ITPK1: variants seen among roughly 807,000 people sequenced by gnomAD.
ITPK1 encodes inositol-tetrakisphosphate 1-kinase, also known as inositol 1,3,4-trisphosphate 5/6-kinase.
ITPK1 carries 21 observed loss-of-function variants against 45.3 expected under a neutral mutation model. The ratio of observed to expected loss-of-function variants is 0.46; its 90% CI spans 0.33 to 0.67. ITPK1 has a LOEUF of 0.67. Ranked by LOEUF, ITPK1 falls within the 30% of genes least tolerant of loss-of-function variation. The pLI is 0.02. For synonymous variants in ITPK1, 258 were observed against 253.6 expected, an observed-to-expected ratio of 1.02 and a Z score of -0.16; for missense variants, 474 against 573.5, an observed-to-expected ratio of 0.83 and a Z score of 1.77.
chr14:92,959,904 C>T (rs961002049), intron 7 of ITPK1, among the ~76,000 whole-genome samples: 2 of 152,138 alleles, frequency 1.3e-5, no homozygotes, highest in Admixed American at 6.5e-5. Flanking sequence ...GGGATGCAGA[C>T]GAGGACTCCC....
At chr14:93,081,370 A>G (rs965232369) in intron 2 of ITPK1, among the ~76,000 whole-genome samples, 8 of 152,106 alleles carry the variant, frequency 5.3e-5, no homozygotes, top group South Asian at 2.1e-4. Context: ...GAATAATTTT[A>G]CAGGCTCTAA....
At chr14:93,082,193 A>G (rs1334637313) in intron 2 of ITPK1, among the ~76,000 whole-genome samples, 2 of 152,118 alleles carry the variant, frequency 1.3e-5, no homozygotes, top group African/African-American at 4.8e-5. Flanking sequence ...GAAACCTAAG[A>G]ACCAGAAATA....
intron 3 of ITPK1, among the ~76,000 whole-genome samples, chr14:93,027,541 G>A (rs1190011854): frequency 6.6e-6 from 1 of 152,132 alleles, no homozygotes. Flanking sequence ...GAGCTGGGAG[G>A]GGGCCAGGGA....
Position 92,940,598 on chromosome 14 carries a change from C to T in ITPK1, c.*963G>A, listed in dbSNP as rs372707273. On this transcript the variant is annotated 3_prime_UTR_variant, in exon 11 of 11. Coordinates refer to ENST00000267615, the MANE Select transcript of ITPK1 (RefSeq NM_014216.6). ...GGCCCCGATCTCCATGGTGTCATGC[C>T]GAGGCTCCCGCGCCTATCCTCACCT... 6.9e-5 allele frequency: 82 copies of T among 1,195,938 alleles called. No individual in the cohort carries two copies. The Admixed American group carries it at 1.3e-3, about 20-fold the overall frequency. The allele number at this position is 1,195,938 out of a possible 1,614,324, so 74.1% of individuals were successfully genotyped here.
At chr14:93,094,487 C>A (rs1249466788) in intron 2 of ITPK1, among the ~76,000 whole-genome samples, 1 of 152,168 alleles carries the variant, frequency 6.6e-6, no homozygotes, top group Non-Finnish European at 1.5e-5. Context: ...CCCCTGGGAG[C>A]CGGGTGAAGC....
chr14:92,999,332 C>A (rs1887219029), intron 4 of ITPK1, among the ~76,000 whole-genome samples: 1 of 152,248 alleles, frequency 6.6e-6, no homozygotes, highest in Non-Finnish European at 1.5e-5. Context: ...CCCTGAGACT[C>A]TGAGAGGTTT....
intron 2 of ITPK1, among the ~76,000 whole-genome samples, chr14:93,091,231 G>A (rs1326013373): frequency 6.6e-6 from 1 of 152,266 alleles, no homozygotes; most frequent in Non-Finnish European, 1.5e-5. Flanking sequence ...CCCTTGTGGT[G>A]TGATTACAGC....
intron 10 of ITPK1, among the ~76,000 whole-genome samples, chr14:92,942,961 G>A (rs1187075256): frequency 6.6e-6 from 1 of 152,370 alleles, no homozygotes; most frequent in South Asian, 2.1e-4. Flanking sequence ...GGCACCCTGT[G>A]CCACCTCTTA....
chr14:93,110,130 G>A (rs75471411), intron 2 of ITPK1, among the ~76,000 whole-genome samples: 4,400 of 152,242 alleles, frequency 0.029, 103 homozygotes, highest in Admixed American at 0.083. Flanking sequence ...GCAGTCAGTC[G>A]TGGAGTCAGG....
At chr14:92,980,904 C>G (rs1194415937) in intron 5 of ITPK1, among the ~76,000 whole-genome samples, 1 of 152,164 alleles carries the variant, frequency 6.6e-6, no homozygotes, top group Non-Finnish European at 1.5e-5. Context: ...AACAAGGTTT[C>G]ACTATATTGG....
At chr14:92,982,583 C>T (rs1271498764) in intron 5 of ITPK1, among the ~76,000 whole-genome samples, 1 of 152,188 alleles carries the variant, frequency 6.6e-6, no homozygotes, top group Admixed American at 6.5e-5. Context: ...CCTGCCCCTG[C>T]GGACACCTTG....
At chr14:92,993,816 G>A (rs775741668) in intron 5 of ITPK1, 64 bp downstream of exon 5, 33 of 1,028,146 alleles carry the variant, frequency 3.2e-5, no homozygotes, top group South Asian at 2.2e-4. Flanking sequence ...ACCTCAGGCC[G>A]TGGCCACTTT....
At chr14:92,965,103 G>A (rs1318942307) in intron 5 of ITPK1, among the ~76,000 whole-genome samples, 6 of 152,188 alleles carry the variant, frequency 3.9e-5, no homozygotes, top group Non-Finnish European at 8.8e-5. Context: ...GGCCCCTGCT[G>A]TTGACTACAG....
chr14:93,040,866 G>A (rs1156403953), intron 3 of ITPK1, among the ~76,000 whole-genome samples: 1 of 152,150 alleles, frequency 6.6e-6, no homozygotes, highest in Non-Finnish European at 1.5e-5. Flanking sequence ...TCACCTGGAT[G>A]GAAGGCCCTG....
intron 3 of ITPK1, among the ~76,000 whole-genome samples, chr14:93,050,821 G>A (rs1257154743): frequency 6.6e-6 from 1 of 151,676 alleles, no homozygotes; most frequent in East Asian, 2.0e-4. Context: ...CACACGTGTG[G>A]GGGAGGAAGT....
chr14:93,046,589 G>A (rs369949513), intron 3 of ITPK1, among the ~76,000 whole-genome samples: 14 of 150,530 alleles, frequency 9.3e-5, no homozygotes, highest in Admixed American at 3.9e-4. Flanking sequence ...CCCAGCAGCC[G>A]GGGGCGGGGG....
chr14:93,091,059 C>T (rs1195488411), intron 2 of ITPK1, among the ~76,000 whole-genome samples: 3 of 152,168 alleles, frequency 2.0e-5, no homozygotes, highest in African/African-American at 7.2e-5. Context: ...GATGGCTCAC[C>T]GTGTGCTGGA....
At chr14:93,008,030 C>T (rs542864995) in intron 4 of ITPK1, among the ~76,000 whole-genome samples, 7 of 152,252 alleles carry the variant, frequency 4.6e-5, no homozygotes, top group Non-Finnish European at 1.0e-4. Flanking sequence ...CTGCAGACAG[C>T]CCTATCCACC....
chr14:92,941,317 A>T lies in ITPK1; in HGVS notation c.*244T>A. 3 of 1,404,946 alleles carry T rather than the reference A, an allele frequency of 2.1e-6. No individual in the cohort carries two copies. Among genetic ancestry groups the T allele is most frequent in the Non-Finnish European group, 2.8e-6 (3 of 1,087,146 alleles). 87.0% of individuals were successfully genotyped at this position (1,404,946 alleles called of 1,614,324 possible). A position where few individuals can be genotyped will look rare whatever the true frequency, so the allele number is the denominator to read the frequency against. On this transcript the variant is annotated 3_prime_UTR_variant, in exon 11 of 11. Transcript: ENST00000267615. ...AACACAAGCGTGTGTAAACTCAGTT[A>T]GGAGGTCTGCACAGTAGAGAGCAGG...
Sources: allele counts gnomAD v4.1 joint callset (sites outside exome capture counted in the v4.1 genomes callset), GRCh38; gene constraint gnomAD v4.1.1; transcripts MANE v1.5; gene names NCBI Gene and HGNC (gene_info 2026-07-23, HGNC 2026-07-21).